CALHM4: variants seen among roughly 807,000 people sequenced by gnomAD.
The protein encoded by CALHM4 is calcium homeostasis modulator protein 4.
CALHM4 carries 16 observed loss-of-function variants against 13.3 expected under a neutral mutation model. The observed-to-expected ratio is 1.20, with a 90% CI of 0.81 to 1.82. The LOEUF (loss-of-function observed/expected upper bound fraction) is 1.82, where lower values mean the gene tolerates loss of function less well. CALHM4 is among the 40% of genes most tolerant of loss of function. The pLI, the probability that CALHM4 is intolerant of heterozygous loss-of-function variation, is 0.00. For missense variants in CALHM4, 344 were observed against 374.9 expected, an observed-to-expected ratio of 0.92 and a Z score of 0.68; for synonymous variants, 127 against 137.1, an observed-to-expected ratio of 0.93 and a Z score of 0.52.
At chr6:116,548,209 T>A (rs1351732295) in intron 2 of CALHM4, among the ~76,000 whole-genome samples, 3 of 152,188 alleles carry the variant, frequency 2.0e-5, no homozygotes, top group Non-Finnish European at 4.4e-5. Context: ...CTTTTGTTGC[T>A]CTTCTGCTAT....
chr6:116,536,295 A>G (rs1474835993), intron 1 of CALHM4, among the ~76,000 whole-genome samples: 1 of 152,156 alleles, frequency 6.6e-6, no homozygotes, highest in Non-Finnish European at 1.5e-5. Context: ...TGATTTGGCC[A>G]TTATCATGGG....
intron 1 of CALHM4, among the ~76,000 whole-genome samples, chr6:116,531,852 T>G (rs756756941): frequency 6.3e-4 from 95 of 149,736 alleles, no homozygotes; most frequent in Non-Finnish European, 9.9e-4. Context: ...AATATACAAT[T>G]TAATATAATT....
chr6:116,554,160 C>T lies in CALHM4; in HGVS notation c.367C>T (p.Leu123=). ...IAPLTWLAVT[L]LTGTYYECAA... ...TCCTTTAACTTGGCTGGCGGTGACC[C>T]TGCTGACAGGCACGTATTATGAATG... The change falls in exon 1 of 2, where the codon CTG becomes TTG. Residue 123 remains leucine, a synonymous_variant. Coordinates refer to ENST00000368596, the MANE Select transcript of CALHM4 (RefSeq NM_001366078.2). 6.4e-7 allele frequency: 1 copy of T among 1,550,532 alleles called. No homozygotes were observed. The highest frequency in any genetic ancestry group is 8.7e-7 in the Non-Finnish European group (1 of 1,146,988).
intron 2 of CALHM4, among the ~76,000 whole-genome samples, chr6:116,547,641 C>G (rs74663033): frequency 7.3e-4 from 111 of 152,296 alleles, no homozygotes; most frequent in African/African-American, 2.6e-3. Flanking sequence ...GTTCCCCAGA[C>G]TCCTTTTTTA....
upstream of CALHM4, among the ~76,000 whole-genome samples, chr6:116,549,925 G>A (rs1055888269): frequency 2.0e-4 from 29 of 147,788 alleles, no homozygotes; most frequent in Non-Finnish European, 3.4e-4. Flanking sequence ...GCAGTGAGCC[G>A]AGATCATGCC....
intron 1 of CALHM4, among the ~76,000 whole-genome samples, chr6:116,542,625 A>G (rs1203556044): frequency 6.6e-6 from 1 of 152,116 alleles, no homozygotes; most frequent in Admixed American, 6.6e-5. Flanking sequence ...TCTGATGATC[A>G]CATAGTTACT....
At chr6:116,543,394 C>A in intron 1 of CALHM4, 2 of 1,548,506 alleles carry the variant, frequency 1.3e-6, no homozygotes, top group Middle Eastern at 3.4e-4. Flanking sequence ...ACAAAGAGAT[C>A]TTTATTCTGG....
At chr6:116,531,413 A>G (rs538706644) in intron 1 of CALHM4, among the ~76,000 whole-genome samples, 4 of 152,226 alleles carry the variant, frequency 2.6e-5, no homozygotes, top group Non-Finnish European at 5.9e-5. Context: ...TTAGTAGGTA[A>G]TTATAAGAGC....
intron 1 of CALHM4, among the ~76,000 whole-genome samples, chr6:116,533,751 T>C (rs1160156674): frequency 6.6e-6 from 1 of 152,196 alleles, no homozygotes; most frequent in Non-Finnish European, 1.5e-5. Context: ...AAGAAGGGGC[T>C]TTTCTTCTGT....
At chr6:116,553,649 G>C (rs1332856744), upstream of CALHM4, 15 of 746,548 alleles carry the variant, frequency 2.0e-5, no homozygotes, top group Middle Eastern at 2.9e-4. Flanking sequence ...CACAAGGAAA[G>C]ATGCTAGAAT....
rs563930899 is a variant in CALHM4 at position 116,557,905 on chromosome 6, C to T, written c.639C>T (p.Leu213=). Residue 213 remains leucine (L), a synonymous_variant, in exon 2 of 2, where the codon CTC becomes CTT. Transcript: ENST00000368596. ...SCCVAKCCSP[L]TSLQHCYWTS... Reference sequence around the variant, plus strand: ...GTGTGGCAAAGTGCTGCTCTCCCCTCACCTCTCTGCAACATTGCTACTGGA... The same window carrying T: ...GTGTGGCAAAGTGCTGCTCTCCCCTTACCTCTCTGCAACATTGCTACTGGA... 204 of 1,614,150 alleles carry T rather than the reference C, an allele frequency of 1.3e-4. 3 individuals are homozygous for T. The Middle Eastern group carries it at 2.0e-3, about 16-fold the overall frequency.
intron 2 of CALHM4, chr6:116,543,996 G>T: frequency 1.2e-6 from 1 of 828,106 alleles, no homozygotes; most frequent in South Asian, 1.8e-5. Flanking sequence ...GACAATTTAG[G>T]TTTGGCTTAG....
chr6:116,543,627 G>GT, intron 1 of CALHM4: 1 of 649,148 alleles, frequency 1.5e-6, no homozygotes, highest in Non-Finnish European at 2.6e-6. Context: ...AATGAATTTC[G>GT]TAACATGATA....
Position 116,553,846 on chromosome 6 carries a change from T to A in CALHM4, c.53T>A (p.Phe18Tyr). Reference protein sequence around the residue: ...IVSSLQRNGIFINSLIAALTI... With the variant: ...IVSSLQRNGIYINSLIAALTI... ...TCTTCTCTGCAGAGAAATGGAATATTTATCAATTCTTTAATTGCAGCCTTG... is the reference window on the plus strand; with the variant it reads ...TCTTCTCTGCAGAGAAATGGAATATATATCAATTCTTTAATTGCAGCCTTG... Residue 18 changes from phenylalanine (F) to tyrosine (Y), a missense_variant, in exon 1 of 2, where the codon TTT (phenylalanine) becomes TAT (tyrosine). Transcript: ENST00000368596. The A allele has an allele frequency of 6.4e-7, 1 of 1,550,648 alleles. No individual in the cohort carries two copies. Among genetic ancestry groups the A allele is most frequent in the Non-Finnish European group, 8.7e-7 (1 of 1,147,008 alleles).
chr6:116,529,044 C>T (rs958933739), exon 1 of CALHM4: 1 of 152,376 alleles, frequency 6.6e-6, no homozygotes, highest in Non-Finnish European at 1.5e-5. Context: ...CCTGCCTACA[C>T]TGTGCTGAGA....
At chr6:116,555,103 G>C (rs1405819271) in intron 1 of CALHM4, among the ~76,000 whole-genome samples, 1 of 152,098 alleles carries the variant, frequency 6.6e-6, no homozygotes, top group African/African-American at 2.4e-5. Flanking sequence ...TTTTTGACTG[G>C]TAACCTTAGA....
Position 116,544,151 on chromosome 6 carries a change from A to AAGAGAGAGAGAGAGAGAG in CALHM4, c.-1+293_-1+310dup, listed in dbSNP as rs141606346. Among the ~76,000 whole-genome samples, 490 of 132,954 alleles carry AAGAGAGAGAGAGAGAGAG rather than the reference A, an allele frequency of 3.7e-3. 5 individuals carry two copies. Among genetic ancestry groups the AAGAGAGAGAGAGAGAGAG allele is most frequent in the Middle Eastern group, 8.5e-3 (2 of 234 alleles). The allele number at this position is 132,954 out of a possible 152,430, so 87.2% of individuals were successfully genotyped here. On this transcript the variant is annotated intron_variant, in intron 2 of 2. Transcript: ENST00000368597. ...AGCATAAAGATAAGCAAAGGTGAAG[A>AAGAGAGAGAGAGAGAGAG]AGAGAGAGAGAGAGAGAGAGAGAGA... is the stretch of plus-strand genomic sequence containing the variant.
intron 1 of CALHM4, among the ~76,000 whole-genome samples, chr6:116,534,333 T>C (rs1772935186): frequency 6.6e-6 from 1 of 152,192 alleles, no homozygotes; most frequent in African/African-American, 2.4e-5. Flanking sequence ...GTATTGGAGA[T>C]TGGAAATCTA....
intron 1 of CALHM4, among the ~76,000 whole-genome samples, chr6:116,535,937 A>G (rs532763813): frequency 6.6e-6 from 1 of 152,304 alleles, no homozygotes; most frequent in South Asian, 2.1e-4. Context: ...GGGGCTAATG[A>G]TAGATGATAG....
Sources: allele counts gnomAD v4.1 joint callset (sites outside exome capture counted in the v4.1 genomes callset), GRCh38; gene constraint gnomAD v4.1.1; transcripts MANE v1.5; gene names NCBI Gene and HGNC (gene_info 2026-07-23, HGNC 2026-07-21).